The following SCYL1 variants were observed in gnomAD, a reference collection of about 807,000 sequenced individuals.
The protein encoded by SCYL1 is SCY1 like pseudokinase 1.
Under a neutral mutation model 94.8 loss-of-function variants are expected in SCYL1, and 85 were observed. That is an observed-to-expected ratio of 0.90 (90% CI 0.75 to 1.07). The LOEUF is 1.07. Ranked by LOEUF, SCYL1 falls within the 50% of genes least tolerant of loss-of-function variation. The pLI is 0.00. For synonymous variants in SCYL1, 459 were observed against 435.5 expected (o/e 1.05, Z -0.67); for missense variants, 968 against 1,083.3 (o/e 0.89, Z 1.49).
At chr11:65,537,720 G>GGT (rs1359731137) in intron 14 of SCYL1, 89 bp from the exon 15 acceptor site, 14 of 1,166,576 alleles carry the variant, frequency 1.2e-5, no homozygotes, top group Non-Finnish European at 1.6e-5. Context: ...AAAAGACAGT[G>GGT]GTGGGGCCCG....
Position 65,537,003 on chromosome 11 carries a change from CCCACCCCTGTTCCTG to C in SCYL1, c.1843_1857del (p.Val615_Pro619del). ...CTCCCCAGGAGTTCCTGCCCCAGCC[CCCACCCCTGTTCCTG>C]CCACCCCTACAACCTCAGGCCACTG... On this transcript the variant is annotated inframe_deletion, in exon 14 of 18. Coordinates refer to ENST00000270176, the MANE Select transcript of SCYL1 (RefSeq NM_020680.4). The C allele has an allele frequency of 1.9e-6, 3 of 1,612,426 alleles. No homozygotes were observed. Among genetic ancestry groups the C allele is most frequent in the Non-Finnish European group, 2.5e-6 (3 of 1,178,820 alleles).
chr11:65,530,503 C>A, intron 6 of SCYL1, 126 bp from the exon 7 acceptor site: 2 of 1,076,092 alleles, frequency 1.9e-6, no homozygotes, highest in South Asian at 1.7e-5. Flanking sequence ...GGGCTTTGAA[C>A]CCAGGCAGCC....
Position 65,526,143 on chromosome 11 carries a change from T to C in SCYL1, c.395T>C (p.Val132Ala). Residue 132 changes from valine to alanine, a missense_variant, in exon 4 of 18, where the codon GTC (valine) becomes GCC (alanine). Around this residue, in one of 2 missense-constraint regions of SCYL1, gnomAD observed 494 missense variants for 619.7 expected, o/e 0.80. Coordinates refer to ENST00000270176, the MANE Select transcript of SCYL1 (RefSeq NM_020680.4). The surrounding 1 kb of genome is among the most constrained non-coding windows in gnomAD (Gnocchi z 4.1). ...CCCCAGAAAGCCCTCAGCTTCCTGGTCAACGACTGCAGCCTCATCCACAAC... is the reference window on the plus strand; with the variant it reads ...CCCCAGAAAGCCCTCAGCTTCCTGGCCAACGACTGCAGCCTCATCCACAAC... ...HQIVKALSFL[V>A]NDCSLIHNNV... 3 of 1,613,106 alleles carry C rather than the reference T, an allele frequency of 1.9e-6. No individual in the cohort carries two copies. Among genetic ancestry groups the C allele is most frequent in the Non-Finnish European group, 2.5e-6 (3 of 1,179,946 alleles).
Position 65,535,368 on chromosome 11 carries a change from T to C in SCYL1, c.1372T>C (p.Tyr458His), listed in dbSNP as rs747026975. Residue 458 changes from tyrosine to histidine, a missense_variant, in exon 10 of 18, where the codon TAC becomes CAC. By Grantham distance (83) the Tyr-to-His change is moderately conservative. Around this residue, in one of 2 missense-constraint regions of SCYL1, gnomAD observed 494 missense variants for 619.7 expected, o/e 0.80. Transcript: ENST00000270176. ...AGTCTGCCTGGGCAAAATCGGCTCCTACCTCAGTGCTAGCGTGAGTGTCCT... is the reference window on the plus strand; with the variant it reads ...AGTCTGCCTGGGCAAAATCGGCTCCCACCTCAGTGCTAGCGTGAGTGTCCT... ...TTVCLGKIGS[Y>H]LSASTRHRVL... 4.3e-6 allele frequency: 7 copies of C among 1,614,192 alleles called. No individual in the cohort carries two copies. The East Asian group carries it at 1.6e-4, about 36-fold the overall frequency.
At chr11:65,529,118 C>G (rs928538511) in intron 6 of SCYL1, among the ~76,000 whole-genome samples, 2 of 152,176 alleles carry the variant, frequency 1.3e-5, no homozygotes, top group Non-Finnish European at 2.9e-5. Context: ...GAATCAGAAT[C>G]AGGAGCAGGG....
At chr11:65,533,538 G>C (rs1289846286) in intron 9 of SCYL1, among the ~76,000 whole-genome samples, 1 of 152,280 alleles carries the variant, frequency 6.6e-6, no homozygotes, top group African/African-American at 2.4e-5. Context: ...CAGCACTTTG[G>C]TAGGCCGAGG....
chr11:65,526,096 G>A lies in SCYL1; in HGVS notation c.376-28G>A. 2 of 1,612,142 alleles carry A rather than the reference G, an allele frequency of 1.2e-6. No homozygotes were observed. Among genetic ancestry groups the A allele is most frequent in the Non-Finnish European group, 1.7e-6 (2 of 1,179,292 alleles). The stretch of plus-strand genomic sequence containing the variant: ...GCAGGGATGGGGGGTTGCAGGTGCT[G>A]GGGCGTGATGGCTCCTTTTGCCCCC... On this transcript the variant is annotated intron_variant, in intron 3 of 17. Coordinates refer to ENST00000270176, the MANE Select transcript of SCYL1 (RefSeq NM_020680.4). The surrounding 1 kb of genome is among the most constrained non-coding windows in gnomAD (Gnocchi z 4.1).
Position 65,538,291 on chromosome 11 carries a change from G to T in SCYL1, c.2269G>T (p.Glu757Ter). ...ACAGCCGAGGCCAGACTCTTGGGGTGAGGACAACTGGGAGGGCCTCGAGAC... is the reference window on the plus strand; with the variant it reads ...ACAGCCGAGGCCAGACTCTTGGGGTTAGGACAACTGGGAGGGCCTCGAGAC... ...STQPRPDSWG[E>*]DNWEGLETDS... is the part of the protein sequence containing the mutation. The change falls in exon 17 of 18, where the codon GAG (glutamate) becomes TAG (stop). Residue 757 changes from glutamate (E) to a stop codon, truncating the protein, a stop_gained. Coordinates refer to ENST00000270176, the MANE Select transcript of SCYL1 (RefSeq NM_020680.4). LOFTEE classifies it high-confidence loss of function. The T allele has an allele frequency of 6.4e-7, 1 of 1,552,382 alleles. No individual in the cohort carries two copies. Among genetic ancestry groups the T allele is most frequent in the Non-Finnish European group, 8.7e-7 (1 of 1,147,658 alleles).
chr11:65,538,231 A>G, intron 16 of SCYL1, 39 bp from the exon 17 acceptor site: 1 of 1,555,622 alleles, frequency 6.4e-7, no homozygotes, highest in South Asian at 1.2e-5. Context: ...GACCTCAGCC[A>G]GAAGTGGGCC....
At position 65,525,577 on chromosome 11, in the gene SCYL1, A is replaced by T; in HGVS notation, c.115A>T (p.Thr39Ser). 6.2e-7 allele frequency: 1 copy of T among 1,612,100 alleles called. No individual in the cohort carries two copies. Among genetic ancestry groups the T allele is most frequent in the South Asian group, 1.1e-5 (1 of 91,074 alleles). ...AGGCCCCGCTGCCCTCCCCTAGGCC[A>T]CAGGCAGCCCCGTGTCCATCTTCGT... ...WALHRGRKKA[T>S]GSPVSIFVYD... The change falls in exon 2 of 18, where the codon ACA (threonine) becomes TCA (serine). Residue 39 changes from threonine (T) to serine (S), a missense_variant. Thr to Ser is a moderately conservative substitution (Grantham distance 58). Transcript: ENST00000270176.
rs775335817 is a variant in SCYL1 at position 65,537,029 on chromosome 11, A to C, written c.1860A>C (p.Thr620=). 6.2e-7 allele frequency: 1 copy of C among 1,612,502 alleles called. No homozygotes were observed. Among genetic ancestry groups the C allele is most frequent in the Admixed American group, 1.7e-5 (1 of 59,970 alleles). The change falls in exon 14 of 18, where the codon ACA becomes ACC. Residue 620 remains threonine, a synonymous_variant. Coordinates refer to ENST00000270176, the MANE Select transcript of SCYL1 (RefSeq NM_020680.4). Reference sequence around the variant, plus strand: ...CCACCCCTGTTCCTGCCACCCCTACAACCTCAGGCCACTGGGAGACGCAGG... The same window carrying C: ...CCACCCCTGTTCCTGCCACCCCTACCACCTCAGGCCACTGGGAGACGCAGG... ...PAPTPVPATP[T]TSGHWETQEE... is the part of the protein sequence containing the mutation.
intron 10 of SCYL1, chr11:65,535,614 TC>T: frequency 1.6e-6 from 1 of 622,160 alleles, no homozygotes; most frequent in Non-Finnish European, 2.8e-6. Context: ...CCTGTGTGCA[TC>T]CCTTCAGCCA....
In SCYL1 at chr11:65,536,068, A is replaced by C; in HGVS notation, c.1502A>C (p.Asn501Thr). ...GCCACCCACAACCTCTACTCAATGA[A>C]CGACTGTGCCCAGAAGATCCTGCCT... ...FAATHNLYSM[N>T]DCAQKILPVL... is the part of the protein sequence containing the mutation. Residue 501 changes from asparagine (N) to threonine (T), a missense_variant, in exon 11 of 18, where the codon AAC (asparagine) becomes ACC (threonine). By Grantham distance (65) the Asn-to-Thr change is moderately conservative. Around this residue, in one of 2 missense-constraint regions of SCYL1, gnomAD observed 474 missense variants for 463.6 expected, o/e 1.02. Coordinates refer to ENST00000270176, the MANE Select transcript of SCYL1 (RefSeq NM_020680.4). 6.2e-7 allele frequency: 1 copy of C among 1,614,134 alleles called. No homozygotes were observed. Among genetic ancestry groups the C allele is most frequent in the Middle Eastern group, 1.6e-4 (1 of 6,062 alleles).
chr11:65,532,774 C>A lies in SCYL1; in HGVS notation c.1199C>A (p.Thr400Asn). The A allele has an allele frequency of 6.2e-7, 1 of 1,614,092 alleles. No individual in the cohort carries two copies. The highest frequency in any genetic ancestry group is 8.5e-7 in the Non-Finnish European group (1 of 1,179,944). Reference sequence around the variant, plus strand: ...CACGTCGTACATGGCTTCCTGGACACCAACCCTGCCATCCGGGAGCAGACG... The same window carrying A: ...CACGTCGTACATGGCTTCCTGGACAACAACCCTGCCATCCGGGAGCAGACG... Reference protein sequence around the residue: ...FPHVVHGFLDTNPAIREQTVK... With the variant: ...FPHVVHGFLDNNPAIREQTVK... The change falls in exon 9 of 18, where the codon ACC becomes AAC. Residue 400 changes from threonine to asparagine, a missense_variant. Transcript: ENST00000270176.
chr11:65,535,318 A>G lies in SCYL1; in HGVS notation c.1322A>G (p.Gln441Arg). Reference protein sequence around the residue: ...HFARLQAKDEQGPIRCNTTVC... With the variant: ...HFARLQAKDERGPIRCNTTVC... The stretch of plus-strand genomic sequence containing the variant: ...GCACGGCTACAGGCCAAGGATGAAC[A>G]GGGCCCCATCCGCTGCAACACCACA... Residue 441 changes from glutamine (Q) to arginine (R), a missense_variant, in exon 10 of 18, where the codon CAG (glutamine) becomes CGG (arginine). Physicochemically the swap from Gln to Arg is conservative, Grantham distance 43. This residue lies in a region of SCYL1 where 494 missense variants were observed against 619.7 expected (regional missense o/e 0.80). Transcript: ENST00000270176. The G allele has an allele frequency of 6.2e-7, 1 of 1,614,252 alleles. No individual in the cohort carries two copies.
Position 65,537,005 on chromosome 11 carries a change from C to G in SCYL1, c.1836C>G (p.Pro612=), listed in dbSNP as rs1354887055. 5.6e-6 allele frequency: 9 copies of G among 1,612,316 alleles called. No homozygotes were observed. The Admixed American group carries it at 6.7e-5, about 12-fold the overall frequency. ...CCCCAGGAGTTCCTGCCCCAGCCCC[C>G]ACCCCTGTTCCTGCCACCCCTACAA... is the stretch of plus-strand genomic sequence containing the variant. The part of the protein sequence containing the change: ...PTPEGVPAPA[P]TPVPATPTTS... The change falls in exon 14 of 18, where the codon CCC becomes CCG. Residue 612 remains proline (P), a synonymous_variant. Transcript: ENST00000270176.
chr11:65,533,701 G>A (rs1233276780), intron 9 of SCYL1, among the ~76,000 whole-genome samples: 11 of 151,904 alleles, frequency 7.2e-5, no homozygotes, highest in Admixed American at 3.9e-4. Flanking sequence ...GGTAGCTTGA[G>A]CCCAGGAGGT....
At chr11:65,535,448 A>T in intron 10 of SCYL1, 66 bp downstream of exon 10, 1 of 1,582,606 alleles carries the variant, frequency 6.3e-7, no homozygotes, top group Middle Eastern at 1.7e-4. Flanking sequence ...CTCCAGGGCC[A>T]GGAGTCTTGT....
Position 65,526,847 on chromosome 11 carries a change from G to A in SCYL1, c.667G>A (p.Ala223Thr). The change falls in exon 5 of 18, where the codon GCA (alanine) becomes ACA (threonine). Residue 223 changes from alanine (A) to threonine (T), a missense_variant. By Grantham distance (58) the Ala-to-Thr change is moderately conservative. Around this residue, in one of 2 missense-constraint regions of SCYL1, gnomAD observed 494 missense variants for 619.7 expected, o/e 0.80. Transcript: ENST00000270176. This position sits in a 1 kb window ranked among gnomAD's most constrained non-coding sequence, Gnocchi z 4.1. ...WEVFNGPLPRAAALRNPGKIP... is the reference protein window; with the variant it reads ...WEVFNGPLPRTAALRNPGKIP... ...AGTCTTCAATGGGCCCCTACCTCGG[G>A]CAGCAGCCCTACGCAACCCTGGGAA... The A allele has an allele frequency of 1.2e-6, 2 of 1,613,358 alleles. No individual in the cohort carries two copies. Among genetic ancestry groups the A allele is most frequent in the Admixed American group, 1.7e-5 (1 of 60,014 alleles).
Sources: gnomAD v4.1 joint callset for allele counts (sites outside exome capture counted in the v4.1 genomes callset) on GRCh38, gnomAD v4.1.1 for gene constraint, gnomAD v4.1.1 regional missense constraint, Gnocchi (gnomAD v3.1) non-coding constraint, MANE v1.5 for transcripts, NCBI Gene and HGNC (gene_info 2026-07-23, HGNC 2026-07-21) for gene names.